Variants in VASH2 observed in about 807,000 individuals in gnomAD.
The protein encoded by VASH2 is tubulinyl-Tyr carboxypeptidase 2.
Under a neutral mutation model 37.2 loss-of-function variants are expected in VASH2, and 28 were observed. The observed-to-expected ratio is 0.75, with a 90% CI of 0.56 to 1.03. VASH2 has a LOEUF of 1.03. Among genes scored for constraint, VASH2 ranks in the 50% least tolerant of loss-of-function variants. VASH2 has a pLI of 0.00. For synonymous variants in VASH2, 188 were observed against 174.7 expected (o/e 1.08, Z -0.60); for missense variants, 419 against 459.1 (o/e 0.91, Z 0.80).
In VASH2 at chr1:212,990,018, C is replaced by CT. The variant is rs1200614584; in HGVS notation, c.*1435dup. 6.6e-6 allele frequency: 1 copy of CT among 151,760 alleles called. No individual in the cohort carries two copies. The highest frequency in any genetic ancestry group is 2.4e-5 in the African/African-American group (1 of 41,272). 9.4% of individuals were successfully genotyped at this position (151,760 alleles called of 1,614,324 possible). ...AGATGTTATTTCAGTCTCAGTGCAT[C>CT]TCCTCTGGCTTTCTTTGACTGAAGG... On this transcript the variant is annotated 3_prime_UTR_variant, in exon 8 of 8. Transcript: ENST00000517399.
At chr1:212,987,408 T>G (rs763919831) in intron 7 of VASH2, among the ~76,000 whole-genome samples, 2 of 152,032 alleles carry the variant, frequency 1.3e-5, no homozygotes, top group Non-Finnish European at 2.9e-5. Context: ...AAACCCCATG[T>G]CTACAAAAAT....
intron 7 of VASH2, among the ~76,000 whole-genome samples, chr1:212,987,309 C>T (rs1363114722): frequency 6.6e-6 from 1 of 150,404 alleles, no homozygotes; most frequent in Non-Finnish European, 1.5e-5. Flanking sequence ...GGTGCGGTGG[C>T]TCACACCTGT....
At chr1:212,961,140 A>C (rs758544228) in intron 2 of VASH2, 26 bp from the exon 3 acceptor site, 8 of 1,611,472 alleles carry the variant, frequency 5.0e-6, no homozygotes, top group Non-Finnish European at 5.9e-6. Flanking sequence ...CTTCATAAAC[A>C]CCTCCTCTTC....
At chr1:212,959,447 TCA>T (rs60920030) in intron 2 of VASH2, among the ~76,000 whole-genome samples, 58,042 of 150,630 alleles carry the variant, frequency 0.39, 12,307 homozygotes, top group East Asian at 0.53. Context: ...ACACGCACAT[TCA>T]CACACACACA....
intron 2 of VASH2, among the ~76,000 whole-genome samples, chr1:212,956,404 G>A (rs904283778): frequency 1.3e-5 from 2 of 152,162 alleles, no homozygotes; most frequent in African/African-American, 2.4e-5. Flanking sequence ...GGTTGGTTTC[G>A]ATCTGTTTCC....
chr1:212,968,120 G>C, intron 5 of VASH2: 3 of 795,154 alleles, frequency 3.8e-6, no homozygotes, highest in Non-Finnish European at 4.6e-6. Flanking sequence ...TTGGACATGT[G>C]AAATTTGAGG....
chr1:212,968,627 A>G (rs1572068315), intron 5 of VASH2: 2 of 985,494 alleles, frequency 2.0e-6, no homozygotes, highest in Non-Finnish European at 2.4e-6. Flanking sequence ...GTTTCCCACA[A>G]AGGAGATGAA....
In VASH2 at chr1:212,975,509, C is replaced by A. The variant is rs1667145599; in HGVS notation, c.995+1439C>A. 2.6e-5 allele frequency among the ~76,000 whole-genome samples: 4 copies of A among 152,354 alleles called. No homozygotes were observed. The Middle Eastern group carries it at 0.01, about 389-fold the overall frequency. ...TCACACGTGGCCTCCTGACCCCAAT[C>A]CTCCCCGTGATGCTGGCCACTGCCC... On this transcript the variant is annotated intron_variant, in intron 7 of 7. Coordinates refer to ENST00000517399, the MANE Select transcript of VASH2 (RefSeq NM_001301056.2).
intron 3 of VASH2, among the ~76,000 whole-genome samples, chr1:212,961,760 A>T (rs140083556): frequency 0.024 from 3,589 of 152,094 alleles, 74 homozygotes; most frequent in Middle Eastern, 0.058. Flanking sequence ...CCGCCACCAC[A>T]CCTGACTAAT....
At chr1:212,953,234 G>C (rs921106383) in intron 2 of VASH2, among the ~76,000 whole-genome samples, 1 of 128,186 alleles carries the variant, frequency 7.8e-6, no homozygotes, top group Non-Finnish European at 1.9e-5. Context: ...GGTGCGCGGG[G>C]GGGGGTGCAT....
At chr1:212,977,752 T>G (rs1026292322) in intron 7 of VASH2, among the ~76,000 whole-genome samples, 23 of 152,300 alleles carry the variant, frequency 1.5e-4, no homozygotes, top group African/African-American at 5.5e-4. Context: ...GAGGGTTTGT[T>G]GAAACAGAAG....
At chr1:212,984,657 A>G (rs1667427358) in intron 7 of VASH2, among the ~76,000 whole-genome samples, 1 of 152,252 alleles carries the variant, frequency 6.6e-6, no homozygotes, top group African/African-American at 2.4e-5. Flanking sequence ...GGAAGGCAAC[A>G]TATGTAAGAA....
At chr1:212,986,529 G>A (rs1014714715) in intron 7 of VASH2, among the ~76,000 whole-genome samples, 3 of 152,210 alleles carry the variant, frequency 2.0e-5, no homozygotes, top group Non-Finnish European at 4.4e-5. Context: ...TGGGCTGAGG[G>A]CTAGGGTAGG....
At chr1:212,978,527 T>G (rs1321556401) in intron 7 of VASH2, among the ~76,000 whole-genome samples, 1 of 152,212 alleles carries the variant, frequency 6.6e-6, no homozygotes, top group Non-Finnish European at 1.5e-5. Context: ...ACGGAGGTGA[T>G]GGCTGATGGT....
chr1:212,973,182 T>A (rs1392564825), intron 6 of VASH2, among the ~76,000 whole-genome samples: 1 of 152,228 alleles, frequency 6.6e-6, no homozygotes, highest in Non-Finnish European at 1.5e-5. Flanking sequence ...TGAAATCAGA[T>A]CTAAAGTGTT....
At position 212,971,029 on chromosome 1, in the gene VASH2, G is replaced by A. The variant is rs1025914628; in HGVS notation, c.498-1551G>A. On this transcript the variant is annotated intron_variant, in intron 5 of 7. Transcript: ENST00000517399. This position sits in a 1 kb window ranked among gnomAD's most constrained non-coding sequence, Gnocchi z 4.0. ...TGTCTGTATGCACTTGCTACTCCAG[G>A]TACCGCAGATGAGTGGAATCATACC... Among the ~76,000 whole-genome samples, 1 of 152,042 alleles carries A rather than the reference G, an allele frequency of 6.6e-6. No homozygotes were observed. The highest frequency in any genetic ancestry group is 2.4e-5 in the African/African-American group (1 of 41,386).
chr1:212,954,732 T>A (rs948470087), intron 2 of VASH2, among the ~76,000 whole-genome samples: 1 of 152,218 alleles, frequency 6.6e-6, no homozygotes, highest in Admixed American at 6.5e-5. Flanking sequence ...TTCCCTTTTT[T>A]ACACAGTGGC....
At position 212,951,480 on chromosome 1, in the gene VASH2, G is replaced by C. The variant is rs2102612424; in HGVS notation, c.-63G>C. The C allele has an allele frequency of 4.3e-5, 38 of 892,968 alleles. No individual in the cohort carries two copies. Among genetic ancestry groups the C allele is most frequent in the Admixed American group, 5.3e-5 (1 of 18,774 alleles). 55.3% of individuals were successfully genotyped at this position (892,968 alleles called of 1,614,324 possible). A position where few individuals can be genotyped will look rare whatever the true frequency, so the allele number is the denominator to read the frequency against. ...CCGCGCCCGCGCGCACACGCCCCCCGCCGCCGCCGCCGCTGCCGCCGCCGC... is the reference window on the plus strand; with the variant it reads ...CCGCGCCCGCGCGCACACGCCCCCCCCCGCCGCCGCCGCTGCCGCCGCCGC... On this transcript the variant is annotated 5_prime_UTR_variant, in exon 2 of 8. Coordinates refer to ENST00000517399, the MANE Select transcript of VASH2 (RefSeq NM_001301056.2). This position sits in a 1 kb window ranked among gnomAD's most constrained non-coding sequence, Gnocchi z 4.4.
chr1:212,960,693 A>G (rs1268688674), intron 2 of VASH2, among the ~76,000 whole-genome samples: 1 of 152,200 alleles, frequency 6.6e-6, no homozygotes, highest in African/African-American at 2.4e-5. Flanking sequence ...CCCGGCATCC[A>G]TTCACTTTAT....
Sources: allele counts gnomAD v4.1 joint callset (sites outside exome capture counted in the v4.1 genomes callset), GRCh38; gene constraint gnomAD v4.1.1; non-coding constraint Gnocchi (gnomAD v3.1); transcripts MANE v1.5; gene names NCBI Gene and HGNC (gene_info 2026-07-23, HGNC 2026-07-21).